SCFD2: variants seen among roughly 807,000 people sequenced by gnomAD.
The protein encoded by SCFD2 is sec1 family domain containing 2.
A neutral mutation model predicts 58.9 loss-of-function variants in SCFD2; 54 were observed. That is an observed-to-expected ratio of 0.92 (90% CI 0.74 to 1.15). The LOEUF is 1.15. Among genes scored for constraint, SCFD2 ranks in the 50% most tolerant of loss-of-function variants. The pLI, the probability that SCFD2 is intolerant of heterozygous loss-of-function variation, is 0.00. For missense variants in SCFD2, 805 were observed against 836.6 expected (o/e 0.96, Z 0.47); for synonymous variants, 321 against 335.9 (o/e 0.96, Z 0.49).
At chr4:53,351,179 C>G (rs1734209159) in intron 2 of SCFD2, among the ~76,000 whole-genome samples, 1 of 152,182 alleles carries the variant, frequency 6.6e-6, no homozygotes, top group Non-Finnish European at 1.5e-5. Context: ...GGAAGTGTAT[C>G]TAGCTCATCA....
chr4:53,011,266 C>T (rs4864441), intron 5 of SCFD2, among the ~76,000 whole-genome samples: 76,904 of 151,898 alleles, frequency 0.51, 19,613 homozygotes, highest in Middle Eastern at 0.57. Flanking sequence ...TTTTTCCCCC[C>T]CAAAGAAGTC....
chr4:53,253,039 C>T (rs184734597), intron 4 of SCFD2, among the ~76,000 whole-genome samples: 1 of 152,034 alleles, frequency 6.6e-6, no homozygotes, highest in Admixed American at 6.5e-5. Flanking sequence ...AACACATTTA[C>T]AAGAAAAAAA....
chr4:53,364,219 T>C (rs1328991523), intron 1 of SCFD2, among the ~76,000 whole-genome samples: 2 of 152,216 alleles, frequency 1.3e-5, no homozygotes, highest in Non-Finnish European at 2.9e-5. Flanking sequence ...AAATTAATCT[T>C]ATTAAGATTA....
intron 4 of SCFD2, among the ~76,000 whole-genome samples, chr4:53,221,717 T>C (rs1729052245): frequency 6.6e-6 from 1 of 152,196 alleles, no homozygotes. Context: ...CAGGTTAAAA[T>C]TAAAATGTCA....
intron 5 of SCFD2, among the ~76,000 whole-genome samples, chr4:52,951,824 T>C (rs1006391084): frequency 1.3e-5 from 2 of 152,192 alleles, no homozygotes; most frequent in Non-Finnish European, 2.9e-5. Flanking sequence ...CTGAGCCATA[T>C]TGAACATGTA....
chr4:53,125,072 C>T (rs1233425279), intron 5 of SCFD2, among the ~76,000 whole-genome samples: 1 of 152,036 alleles, frequency 6.6e-6, no homozygotes, highest in African/African-American at 2.4e-5. Context: ...AATATAAGTC[C>T]CTAGGATCCT....
At chr4:53,220,177 C>T (rs528845082) in intron 4 of SCFD2, among the ~76,000 whole-genome samples, 1 of 152,286 alleles carries the variant, frequency 6.6e-6, no homozygotes, top group South Asian at 2.1e-4. Context: ...GCCCATGACC[C>T]AGCTTCATTT....
chr4:53,321,451 C>T (rs530101242), intron 2 of SCFD2, among the ~76,000 whole-genome samples: 18 of 152,058 alleles, frequency 1.2e-4, no homozygotes, highest in African/African-American at 3.6e-4. Flanking sequence ...GAAATGTGAA[C>T]GCGTACCATT....
In SCFD2 at chr4:53,216,726, T is replaced by C. The variant is rs550731052; in HGVS notation, c.1311+57100A>G. 2.2e-4 allele frequency among the ~76,000 whole-genome samples: 33 copies of C among 152,344 alleles called. No homozygotes were observed. The South Asian group carries it at 5.2e-3, about 24-fold the overall frequency. ...TTTGCTCTTGCTTCTCTAGTTCTTCTAATTGTGATGTTAGGGTGTCAATTT... is the reference window on the plus strand; with the variant it reads ...TTTGCTCTTGCTTCTCTAGTTCTTCCAATTGTGATGTTAGGGTGTCAATTT... On this transcript the variant is annotated intron_variant, in intron 4 of 8. Coordinates refer to ENST00000401642, the MANE Select transcript of SCFD2 (RefSeq NM_152540.4).
Position 53,312,036 on chromosome 4 carries a change from G to A in SCFD2, c.1135+1600C>T, listed in dbSNP as rs143021973. On this transcript the variant is annotated intron_variant, in intron 3 of 8. Coordinates refer to ENST00000401642, the MANE Select transcript of SCFD2 (RefSeq NM_152540.4). ...AATGTGTACCTAGGGCTATGGAAAG[G>A]AAAGGAGAGAAGGGGATGGGAGATG... Among the ~76,000 whole-genome samples the A allele has an allele frequency of 3.5e-3, 529 of 152,206 alleles. 4 individuals are homozygous for A. Among genetic ancestry groups the A allele is most frequent in the Middle Eastern group, 0.01 (3 of 292 alleles).
intron 4 of SCFD2, among the ~76,000 whole-genome samples, chr4:53,154,411 C>T (rs1726602829): frequency 6.6e-6 from 1 of 152,132 alleles, no homozygotes; most frequent in Non-Finnish European, 1.5e-5. Flanking sequence ...AACCAGATCT[C>T]ACATAAACTC....
intron 4 of SCFD2, among the ~76,000 whole-genome samples, chr4:53,166,007 T>C (rs189931284): frequency 1.7e-4 from 26 of 152,374 alleles, no homozygotes; most frequent in Admixed American, 7.2e-4. Flanking sequence ...AGGTACCACA[T>C]ATAAGTGGTA....
At chr4:53,028,437 A>G (rs997249419) in intron 5 of SCFD2, among the ~76,000 whole-genome samples, 1 of 152,198 alleles carries the variant, frequency 6.6e-6, no homozygotes, top group Non-Finnish European at 1.5e-5. Flanking sequence ...TTCTTTGTGA[A>G]TCATACTATA....
In SCFD2 at chr4:53,365,038, CT is replaced by C. The variant is rs1578007705; in HGVS notation, c.838+65del. On this transcript the variant is annotated intron_variant, in intron 1 of 8. Transcript: ENST00000401642. The surrounding 1 kb of genome is among the most constrained non-coding windows in gnomAD (Gnocchi z 4.3). ...TAATAAAAGGTCAATAAAATATATGCTGAATCAATGAAAGTCCCAGCAATGT... is the reference window on the plus strand; with the variant it reads ...TAATAAAAGGTCAATAAAATATATGCGAATCAATGAAAGTCCCAGCAATGT... 1 of 1,531,300 alleles carries C rather than the reference CT, an allele frequency of 6.5e-7. No individual in the cohort carries two copies. Among genetic ancestry groups the C allele is most frequent in the East Asian group, 2.3e-5 (1 of 44,408 alleles). The allele number at this position is 1,531,300 out of a possible 1,614,324, so 94.9% of individuals were successfully genotyped here. A position where few individuals can be genotyped will look rare whatever the true frequency, so the allele number is the denominator to read the frequency against.
chr4:53,357,940 C>G (rs1045071131), intron 1 of SCFD2, among the ~76,000 whole-genome samples: 9 of 152,194 alleles, frequency 5.9e-5, no homozygotes, highest in African/African-American at 1.9e-4. Flanking sequence ...CCACTTAACA[C>G]ATGTGTAATC....
At chr4:53,281,528 T>C (rs1731509136) in intron 3 of SCFD2, among the ~76,000 whole-genome samples, 1 of 152,146 alleles carries the variant, frequency 6.6e-6, no homozygotes, top group African/African-American at 2.4e-5. Flanking sequence ...AGAAACAGAA[T>C]CTTGAGTATG....
chr4:53,256,389 C>T (rs1434211535), intron 4 of SCFD2, among the ~76,000 whole-genome samples: 1 of 151,064 alleles, frequency 6.6e-6, no homozygotes, highest in Non-Finnish European at 1.5e-5. Flanking sequence ...GAGACGCTCC[C>T]CACTTTCCAG....
chr4:53,318,604 C>T (rs1732932717), intron 2 of SCFD2, among the ~76,000 whole-genome samples: 1 of 152,126 alleles, frequency 6.6e-6, no homozygotes, highest in Non-Finnish European at 1.5e-5. Flanking sequence ...TGATTGGACT[C>T]TATTTAAACC....
intron 2 of SCFD2, among the ~76,000 whole-genome samples, chr4:53,324,420 C>CAA (rs34865805): frequency 0.024 from 2,239 of 93,546 alleles, 102 homozygotes; most frequent in African/African-American, 0.06. Context: ...CCTGTCTCTC[C>CAA]AAAAAAAAAA....
Sources: gnomAD v4.1 joint callset for allele counts (sites outside exome capture counted in the v4.1 genomes callset) on GRCh38, gnomAD v4.1.1 for gene constraint, Gnocchi (gnomAD v3.1) non-coding constraint, MANE v1.5 for transcripts, NCBI Gene and HGNC (gene_info 2026-07-23, HGNC 2026-07-21) for gene names.